ARID2: variants seen among roughly 807,000 people sequenced by gnomAD.
ARID2 encodes AT-rich interactive domain-containing protein 2.
In ARID2, 32 loss-of-function variants were observed where a neutral mutation model predicts 184.6. The ratio of observed to expected loss-of-function variants is 0.17; its 90% confidence interval spans 0.13 to 0.23. The LOEUF (loss-of-function observed/expected upper bound fraction) is 0.23. Among genes scored for constraint, ARID2 ranks in the 10% least tolerant of loss-of-function variants. The pLI is 1.00. For missense variants in ARID2, 1,696 were observed against 2,197.6 expected (o/e 0.77, Z 4.56); for synonymous variants, 836 against 772.6 (o/e 1.08, Z -1.36).
intron 16 of ARID2, among the ~76,000 whole-genome samples, chr12:45,861,331 A>G (rs1241869972): frequency 6.6e-6 from 1 of 152,094 alleles, no homozygotes; most frequent in East Asian, 1.9e-4. Flanking sequence ...TAGAAGTAAT[A>G]ATGTGCTAGA....
intron 20 of ARID2, among the ~76,000 whole-genome samples, chr12:45,899,671 TTATATA>T (rs375466100): frequency 8.9e-5 from 4 of 45,126 alleles, no homozygotes; most frequent in South Asian, 9.0e-4. Context: ...ATATATATGG[TTATATA>T]TGGTTATATA....
chr12:45,887,598 A>G (rs1277697249), intron 16 of ARID2, among the ~76,000 whole-genome samples: 4 of 152,234 alleles, frequency 2.6e-5, no homozygotes, highest in African/African-American at 4.8e-5. Context: ...GACACATGGA[A>G]GTGTGAGGAG....
chr12:45,892,493 T>C (rs190545927), intron 18 of ARID2, among the ~76,000 whole-genome samples: 57 of 151,960 alleles, frequency 3.8e-4, no homozygotes, highest in South Asian at 2.3e-3. Flanking sequence ...TATATATATA[T>C]ACACACACAT....
At chr12:45,904,689 CAAAAAAA>C (rs755707280) in intron 20 of ARID2, among the ~76,000 whole-genome samples, 5 of 35,686 alleles carry the variant, frequency 1.4e-4, no homozygotes, top group Non-Finnish European at 2.2e-4. Context: ...GACTCCTTCT[CAAAAAAA>C]AAAAAAAAAA....
intron 16 of ARID2, among the ~76,000 whole-genome samples, chr12:45,887,783 C>T (rs1378040679): frequency 6.6e-6 from 1 of 152,180 alleles, no homozygotes; most frequent in Non-Finnish European, 1.5e-5. Context: ...CCACCCCGTC[C>T]TTCCAGTGCA....
At chr12:45,761,672 C>T (rs1194130001) in intron 3 of ARID2, among the ~76,000 whole-genome samples, 2 of 151,854 alleles carry the variant, frequency 1.3e-5, no homozygotes, top group African/African-American at 2.4e-5. Context: ...GAAAGGCTTA[C>T]ATTTTACTCC....
intron 4 of ARID2, among the ~76,000 whole-genome samples, chr12:45,815,049 A>G (rs1942780945): frequency 6.6e-6 from 1 of 152,232 alleles, no homozygotes; most frequent in African/African-American, 2.4e-5. Context: ...GTAAGGATGT[A>G]TTGAATGGAA....
rs530465591 is a variant in ARID2, at chr12:45,780,569, A to G, written c.285-30849A>G. On this transcript the variant is annotated intron_variant, in intron 3 of 20. Transcript: ENST00000334344. Reference sequence around the variant, plus strand: ...AGAAGGAATTGCTTTTTTGGTAACTAAACAGCAGAGTACATTTACATTTTA... The same window carrying G: ...AGAAGGAATTGCTTTTTTGGTAACTGAACAGCAGAGTACATTTACATTTTA... Among the ~76,000 whole-genome samples the G allele has an allele frequency of 5.3e-5, 8 of 152,252 alleles. No homozygotes were observed. In the South Asian group the frequency reaches 1.7e-3, roughly 32 times the overall value.
chr12:45,795,679 G>A (rs1239201637), intron 3 of ARID2, among the ~76,000 whole-genome samples: 2 of 148,210 alleles, frequency 1.3e-5, no homozygotes, highest in Non-Finnish European at 3.0e-5. Context: ...CTCGTGATCC[G>A]CCCGCCTTGG....
intron 16 of ARID2, among the ~76,000 whole-genome samples, chr12:45,872,926 AT>A (rs1565633074): frequency 2.0e-5 from 3 of 152,066 alleles, no homozygotes; most frequent in African/African-American, 7.2e-5. Context: ...ATCCTTACTG[AT>A]TTTCTGCCTA....
intron 16 of ARID2, among the ~76,000 whole-genome samples, chr12:45,868,389 C>T (rs1231713208): frequency 6.6e-6 from 1 of 152,116 alleles, no homozygotes; most frequent in Admixed American, 6.5e-5. Context: ...TGCAGCAAGC[C>T]GAGATTGTGC....
At chr12:45,772,269 T>C (rs1163804779) in intron 3 of ARID2, among the ~76,000 whole-genome samples, 3 of 152,120 alleles carry the variant, frequency 2.0e-5, no homozygotes, top group Non-Finnish European at 2.9e-5. Flanking sequence ...ATAATGACAA[T>C]TAATGTAAAT....
intron 20 of ARID2, among the ~76,000 whole-genome samples, chr12:45,898,801 C>T (rs896981109): frequency 2.6e-5 from 4 of 152,012 alleles, no homozygotes; most frequent in African/African-American, 7.3e-5. Context: ...CCTGTAATCC[C>T]AGCTACTCAG....
chr12:45,857,835 C>A lies in ARID2; in HGVS notation c.4774-2966C>A, dbSNP rs984662381. ...AGTGCAGTGGCACACTCTTGGCTCA[C>A]TGCAACCTCTGCCTCTTGGGCTTAA... On this transcript the variant is annotated intron_variant, in intron 15 of 20. Coordinates refer to ENST00000334344, the MANE Select transcript of ARID2 (RefSeq NM_152641.4). 2.0e-5 allele frequency among the ~76,000 whole-genome samples: 3 copies of A among 152,248 alleles called. No individual in the cohort carries two copies. In the South Asian group the frequency reaches 6.2e-4, roughly 32 times the overall value.
At chr12:45,807,555 TG>T (rs1942624949) in intron 3 of ARID2, among the ~76,000 whole-genome samples, 1 of 152,168 alleles carries the variant, frequency 6.6e-6, no homozygotes, top group Admixed American at 6.5e-5. Flanking sequence ...TAGATACTAT[TG>T]TGCTAGTCTT....
In ARID2 at chr12:45,856,754, A is replaced by G. The variant is rs564640216; in HGVS notation, c.4773+3858A>G. ...AAAAAAATAGCAACAAGTAAAAAGA[A>G]TCTATGTGAAAGTAAATGATATACC... On this transcript the variant is annotated intron_variant, in intron 15 of 20. Coordinates refer to ENST00000334344, the MANE Select transcript of ARID2 (RefSeq NM_152641.4). Among the ~76,000 whole-genome samples, 6 of 152,350 alleles carry G rather than the reference A, an allele frequency of 3.9e-5. No individual in the cohort carries two copies. In the East Asian group the frequency reaches 9.6e-4, roughly 24 times the overall value.
chr12:45,785,657 G>A (rs973513018), intron 3 of ARID2, among the ~76,000 whole-genome samples: 13 of 152,056 alleles, frequency 8.5e-5, no homozygotes, highest in African/African-American at 2.9e-4. Flanking sequence ...GCTCATTGGA[G>A]TATTTTGAAT....
intron 3 of ARID2, among the ~76,000 whole-genome samples, chr12:45,750,632 AG>A (rs1941445910): frequency 6.6e-6 from 1 of 152,202 alleles, no homozygotes; most frequent in Non-Finnish European, 1.5e-5. Context: ...GATTTTGCAA[AG>A]TAACTACTAT....
chr12:45,879,165 A>AG (rs1449988159), intron 16 of ARID2, among the ~76,000 whole-genome samples: 1 of 152,140 alleles, frequency 6.6e-6, no homozygotes, highest in Non-Finnish European at 1.5e-5. Context: ...CCTTCATCTA[A>AG]GGGCTGCGAC....
Sources: gnomAD v4.1 joint callset for allele counts (sites outside exome capture counted in the v4.1 genomes callset) on GRCh38, gnomAD v4.1.1 for gene constraint, MANE v1.5 for transcripts, NCBI Gene and HGNC (gene_info 2026-07-23, HGNC 2026-07-21) for gene names.